ARFIP1: variants seen among roughly 807,000 people sequenced by gnomAD.
The protein encoded by ARFIP1 is arfaptin-1.
In ARFIP1, 24 loss-of-function variants were observed where a neutral mutation model predicts 42.5. The observed-to-expected ratio is 0.57, with a 90% CI of 0.41 to 0.80. The LOEUF is 0.80. Ranked by LOEUF, ARFIP1 falls within the 30% of genes least tolerant of loss-of-function variation. The pLI, the probability that ARFIP1 is intolerant of heterozygous loss-of-function variation, is 0.00. For missense variants in ARFIP1, 354 were observed against 434.0 expected (o/e 0.82, Z 1.64); for synonymous variants, 141 against 153.7 (o/e 0.92, Z 0.61).
intron 8 of ARFIP1, among the ~76,000 whole-genome samples, chr4:152,894,436 A>C (rs888079374): frequency 6.6e-6 from 1 of 152,194 alleles, no homozygotes; most frequent in Non-Finnish European, 1.5e-5. Context: ...ACATTCTTGA[A>C]ATCTCTTTTC....
intron 8 of ARFIP1, among the ~76,000 whole-genome samples, chr4:152,899,584 A>G (rs1207666996): frequency 6.6e-6 from 1 of 152,170 alleles, no homozygotes; most frequent in Non-Finnish European, 1.5e-5. Context: ...ATGATACTTT[A>G]TATTTTCTCT....
intron 8 of ARFIP1, among the ~76,000 whole-genome samples, chr4:152,902,210 G>A (rs542550061): frequency 6.6e-6 from 1 of 152,228 alleles, no homozygotes; most frequent in South Asian, 2.1e-4. Flanking sequence ...ATGGACTTAA[G>A]ACTGTACAAG....
intron 1 of ARFIP1, among the ~76,000 whole-genome samples, chr4:152,792,068 C>T (rs6840089): frequency 0.043 from 6,491 of 152,144 alleles, 174 homozygotes; most frequent in South Asian, 0.11. Context: ...TTAAAAAAAT[C>T]TTTAGAATAA....
intron 1 of ARFIP1, among the ~76,000 whole-genome samples, chr4:152,791,474 C>T (rs1213337351): frequency 1.3e-5 from 2 of 152,078 alleles, no homozygotes; most frequent in Admixed American, 6.5e-5. Context: ...TATTCAGTTA[C>T]GAAATCAAAA....
At chr4:152,780,397 C>T (rs1364800930) in intron 1 of ARFIP1, among the ~76,000 whole-genome samples, 171 bp downstream of exon 1, 3 of 152,214 alleles carry the variant, frequency 2.0e-5, no homozygotes, top group Admixed American at 6.5e-5. Flanking sequence ...TTCTTCTGTC[C>T]TTCATTCCTT....
intron 8 of ARFIP1, among the ~76,000 whole-genome samples, chr4:152,890,143 C>T (rs1039301730): frequency 4.6e-5 from 7 of 151,706 alleles, no homozygotes; most frequent in Non-Finnish European, 8.8e-5. Flanking sequence ...GAAAAGTAGA[C>T]TAACATAGTG....
At chr4:152,845,367 T>G (rs1732450871) in intron 2 of ARFIP1, among the ~76,000 whole-genome samples, 1 of 151,898 alleles carries the variant, frequency 6.6e-6, no homozygotes, top group South Asian at 2.1e-4. Context: ...TAGGACCTAA[T>G]TAAAGAGTTT....
chr4:152,816,034 G>A (rs545841826), intron 1 of ARFIP1, among the ~76,000 whole-genome samples: 5 of 152,064 alleles, frequency 3.3e-5, no homozygotes, highest in South Asian at 2.1e-4. Context: ...GTGAGCCACC[G>A]CGCCCGGCCA....
At chr4:152,813,152 AC>A (rs1729600446) in intron 1 of ARFIP1, among the ~76,000 whole-genome samples, 1 of 152,236 alleles carries the variant, frequency 6.6e-6, no homozygotes, top group South Asian at 2.1e-4. Context: ...TGTAACAGTT[AC>A]TTATATAGCA....
chr4:152,852,799 T>A (rs1177003788), intron 2 of ARFIP1, among the ~76,000 whole-genome samples: 1 of 152,224 alleles, frequency 6.6e-6, no homozygotes, highest in South Asian at 2.1e-4. Flanking sequence ...ACATAGCCCC[T>A]ATTATTTTGT....
At chr4:152,889,536 C>CATATATAT (rs58428402) in intron 8 of ARFIP1, among the ~76,000 whole-genome samples, 3 of 47,560 alleles carry the variant, frequency 6.3e-5, no homozygotes, top group Admixed American at 3.6e-4. Flanking sequence ...TATATATATA[C>CATATATAT]ACCTATTTTT....
At chr4:152,828,463 T>C (rs1021651284) in intron 1 of ARFIP1, among the ~76,000 whole-genome samples, 3 of 152,240 alleles carry the variant, frequency 2.0e-5, no homozygotes, top group East Asian at 1.9e-4. Context: ...TTATGACATA[T>C]GATGTTGAAC....
intron 1 of ARFIP1, among the ~76,000 whole-genome samples, chr4:152,794,901 T>C (rs1348019044): frequency 6.6e-6 from 1 of 152,188 alleles, no homozygotes; most frequent in African/African-American, 2.4e-5. Flanking sequence ...CTCCTTCAGG[T>C]TGGCTCCTGT....
chr4:152,905,630 G>A (rs1157398694), intron 8 of ARFIP1, among the ~76,000 whole-genome samples: 11 of 128,508 alleles, frequency 8.6e-5, no homozygotes, highest in African/African-American at 2.4e-4. Context: ...CGGGCTCACC[G>A]CAGTCTCCAC....
intron 1 of ARFIP1, among the ~76,000 whole-genome samples, chr4:152,828,835 A>G (rs568166991): frequency 6.6e-6 from 1 of 152,266 alleles, no homozygotes; most frequent in South Asian, 2.1e-4. Context: ...TGCTCTCTTT[A>G]TGAGCTTTAT....
chr4:152,840,538 A>G (rs886756685), intron 2 of ARFIP1, among the ~76,000 whole-genome samples: 4 of 152,060 alleles, frequency 2.6e-5, no homozygotes, highest in Non-Finnish European at 4.4e-5. Context: ...TGTTGCTTTA[A>G]AATTTGTTTT....
intron 8 of ARFIP1, among the ~76,000 whole-genome samples, chr4:152,900,156 TGA>T (rs1737698587): frequency 1.4e-5 from 2 of 148,094 alleles, no homozygotes; most frequent in South Asian, 2.1e-4. Context: ...AGGGAGAAAA[TGA>T]GAGAGGGAGA....
chr4:152,863,860 A>T, intron 3 of ARFIP1, 146 bp downstream of exon 3: 1 of 523,896 alleles, frequency 1.9e-6, no homozygotes. Context: ...TTTTCTCTTC[A>T]ATTTAAGTAA....
chr4:152,780,612 C>A (rs1730430191), intron 1 of ARFIP1, among the ~76,000 whole-genome samples: 1 of 152,164 alleles, frequency 6.6e-6, no homozygotes, highest in African/African-American at 2.4e-5. Context: ...CTCCCTGCAT[C>A]CCCAGCTTCC....
Sources: allele counts gnomAD v4.1 joint callset (sites outside exome capture counted in the v4.1 genomes callset), GRCh38; gene constraint gnomAD v4.1.1; transcripts MANE v1.5; gene names NCBI Gene and HGNC (gene_info 2026-07-23, HGNC 2026-07-21).